URB2: variants seen among roughly 807,000 people sequenced by gnomAD.
URB2 encodes the protein unhealthy ribosome biogenesis protein 2 homolog.
URB2 carries 86 observed loss-of-function variants against 120.9 expected under a neutral mutation model. The ratio of observed to expected loss-of-function variants is 0.71; its 90% CI spans 0.60 to 0.85. The LOEUF (loss-of-function observed/expected upper bound fraction) is 0.85. URB2 is among the 40% of genes least tolerant of loss of function. URB2 has a pLI of 0.00. For synonymous variants in URB2, 755 were observed against 758.4 expected (o/e 1.00, Z 0.07); for missense variants, 1,765 against 1,836.5 (o/e 0.96, Z 0.71).
chr1:229,632,401 C>G lies in URB2; in HGVS notation c.259C>G (p.Leu87Val). The G allele has an allele frequency of 3.2e-6, 5 of 1,581,378 alleles. No individual in the cohort carries two copies. The highest frequency in any genetic ancestry group is 4.3e-6 in the Non-Finnish European group (5 of 1,168,970). The change falls in exon 3 of 10, where the codon CTC (leucine) becomes GTC (valine). Residue 87 changes from leucine (L) to valine (V), a missense_variant. By Grantham distance (32) the Leu-to-Val change is conservative. Transcript: ENST00000258243. ...ILHSRKLQNLLKNGKTINLQI... is the reference protein window; with the variant it reads ...ILHSRKLQNLVKNGKTINLQI... The stretch of plus-strand genomic sequence containing the variant: ...ACATAGCAGAAAATTGCAGAATCTC[C>G]TCAAGAATGGAAAGACCATTAATCT...
At chr1:229,642,529 G>A (rs1666034962) in intron 4 of URB2, among the ~76,000 whole-genome samples, 1 of 152,174 alleles carries the variant, frequency 6.6e-6, no homozygotes. Flanking sequence ...GCGCTGGCTG[G>A]AAAGATGACC....
intron 8 of URB2, among the ~76,000 whole-genome samples, chr1:229,652,107 G>A (rs998985330): frequency 6.6e-5 from 10 of 152,200 alleles, no homozygotes; most frequent in Middle Eastern, 3.4e-3. Context: ...GCTTGAGCCC[G>A]GGAGGCGGAG....
chr1:229,648,709 C>T (rs1419672719), intron 7 of URB2, among the ~76,000 whole-genome samples: 1 of 152,194 alleles, frequency 6.6e-6, no homozygotes, highest in Admixed American at 6.5e-5. Flanking sequence ...AGACTCAAGA[C>T]TTGTTATCTT....
At chr1:229,647,885 C>G (rs1294058373) in intron 7 of URB2, 133 bp downstream of exon 7, 2 of 1,410,840 alleles carry the variant, frequency 1.4e-6, no homozygotes. Flanking sequence ...GGCAAACTTT[C>G]TGTTCTAGTA....
intron 6 of URB2, among the ~76,000 whole-genome samples, chr1:229,646,960 T>C (rs568952449): frequency 1.3e-5 from 2 of 152,358 alleles, no homozygotes; most frequent in African/African-American, 4.8e-5. Context: ...GTCATTTTCC[T>C]GAGCATCCGT....
intron 2 of URB2, among the ~76,000 whole-genome samples, chr1:229,630,822 A>AT (rs1184761661): frequency 1.3e-5 from 2 of 151,994 alleles, no homozygotes; most frequent in Non-Finnish European, 2.9e-5. Context: ...ACCCCTAAAA[A>AT]TAAAAAAAAA....
intron 3 of URB2, among the ~76,000 whole-genome samples, chr1:229,633,695 G>A (rs1346008775): frequency 1.3e-5 from 2 of 152,202 alleles, no homozygotes; most frequent in Non-Finnish European, 2.9e-5. Flanking sequence ...AAGGCTGGGA[G>A]CAAGTAACTT....
In URB2 at chr1:229,637,963, T is replaced by A; in HGVS notation, c.3350T>A (p.Ile1117Asn). The A allele has an allele frequency of 6.2e-7, 1 of 1,613,704 alleles. No individual in the cohort carries two copies. The highest frequency in any genetic ancestry group is 8.5e-7 in the Non-Finnish European group (1 of 1,179,854). Residue 1117 changes from isoleucine (I) to asparagine (N), a missense_variant, in exon 4 of 10, where the codon ATC (isoleucine) becomes AAC (asparagine). By Grantham distance (149) the Ile-to-Asn change is moderately radical. Coordinates refer to ENST00000258243, the MANE Select transcript of URB2 (RefSeq NM_014777.4). ...GGCTGGCGCCTTCCCTCGGTCCTCA[T>A]CTCATCCGTCAGCACGCTCTTGGAA... is the stretch of plus-strand genomic sequence containing the variant. Reference protein sequence around the residue: ...ARGWRLPSVLISSVSTLLEAD... With the variant: ...ARGWRLPSVLNSSVSTLLEAD...
intron 8 of URB2, among the ~76,000 whole-genome samples, chr1:229,652,590 A>G (rs1666307176): frequency 6.6e-6 from 1 of 152,260 alleles, no homozygotes; most frequent in African/African-American, 2.4e-5. Flanking sequence ...AGAGCACGTC[A>G]GCTTCATATT....
chr1:229,647,840 T>G, intron 7 of URB2, 88 bp downstream of exon 7: 2 of 1,517,862 alleles, frequency 1.3e-6, no homozygotes, highest in South Asian at 2.6e-5. Context: ...AAAACTTTAC[T>G]GTTGCAGGAT....
chr1:229,646,505 C>A (rs905415466), intron 6 of URB2, among the ~76,000 whole-genome samples: 1 of 152,108 alleles, frequency 6.6e-6, no homozygotes, highest in Non-Finnish European at 1.5e-5. Flanking sequence ...AGAAGGAATT[C>A]TGGGGCTTTC....
rs760557526 is a variant in URB2, at chr1:229,659,169, G to A, written c.4447G>A (p.Glu1483Lys). 6.8e-6 allele frequency: 11 copies of A among 1,613,140 alleles called. No individual in the cohort carries two copies. Among genetic ancestry groups the A allele is most frequent in the African/African-American group, 5.3e-5 (4 of 74,862 alleles). The change falls in exon 10 of 10, where the codon GAG becomes AAG. Residue 1483 changes from glutamate to lysine, a missense_variant. Physicochemically the swap from Glu to Lys is moderately conservative, Grantham distance 56. Coordinates refer to ENST00000258243, the MANE Select transcript of URB2 (RefSeq NM_014777.4). ...GIYLILDLCI[E>K]PDVQFLRASL... Reference sequence around the variant, plus strand: ...TTACCTCATCCTGGACCTCTGCATCGAGCCTGACGTCCAGTTCCTGCGGGC... The same window carrying A: ...TTACCTCATCCTGGACCTCTGCATCAAGCCTGACGTCCAGTTCCTGCGGGC...
At chr1:229,644,717 C>T (rs1187036527) in intron 5 of URB2, among the ~76,000 whole-genome samples, 1 of 151,962 alleles carries the variant, frequency 6.6e-6, no homozygotes, top group Non-Finnish European at 1.5e-5. Context: ...GAGTGAAAGG[C>T]AGAAGCCAGG....
At chr1:229,656,095 C>T (rs1232749135) in intron 9 of URB2, among the ~76,000 whole-genome samples, 1 of 152,224 alleles carries the variant, frequency 6.6e-6, no homozygotes, top group African/African-American at 2.4e-5. Flanking sequence ...AACACCCCTT[C>T]ACGTTGTCCT....
chr1:229,628,770 A>G (rs558070422), intron 2 of URB2, among the ~76,000 whole-genome samples: 2 of 152,368 alleles, frequency 1.3e-5, no homozygotes, highest in East Asian at 1.9e-4. Context: ...AGTTGGCATG[A>G]TAAACACCAG....
chr1:229,647,436 T>C lies in URB2; in HGVS notation c.3907-74T>C, dbSNP rs1666170638. The stretch of plus-strand genomic sequence containing the variant: ...GCACAGACATTTCTACCTCAGTCAC[T>C]CAGAGCTGCAGTGTTTGTGTTATTT... On this transcript the variant is annotated intron_variant, in intron 6 of 9. Coordinates refer to ENST00000258243, the MANE Select transcript of URB2 (RefSeq NM_014777.4). The C allele has an allele frequency of 2.6e-6, 4 of 1,536,274 alleles. No individual in the cohort carries two copies. In the East Asian group the frequency reaches 9.1e-5, roughly 35 times the overall value.
intron 6 of URB2, 123 bp from the exon 7 acceptor site, chr1:229,647,387 C>T (rs1450595845): frequency 2.3e-5 from 28 of 1,237,074 alleles, no homozygotes; most frequent in African/African-American, 1.8e-4. Flanking sequence ...TAACGGCCCA[C>T]GGACCACATC....
At position 229,647,617 on chromosome 1, in the gene URB2, C is replaced by A; in HGVS notation, c.4014C>A (p.Gly1338=). The A allele has an allele frequency of 6.2e-7, 1 of 1,614,198 alleles. No homozygotes were observed. The highest frequency in any genetic ancestry group is 8.5e-7 in the Non-Finnish European group (1 of 1,180,042). ...ALLRQGEEAI[G]NPHHVSLAFS... is the part of the protein sequence containing the mutation. ...TGCGGCAGGGGGAGGAGGCCATCGGCAACCCCCACCACGTCAGCCTGGCCT... is the reference window on the plus strand; with the variant it reads ...TGCGGCAGGGGGAGGAGGCCATCGGAAACCCCCACCACGTCAGCCTGGCCT... Residue 1338 remains glycine, a synonymous_variant, in exon 7 of 10, where the codon GGC becomes GGA. Transcript: ENST00000258243.
chr1:229,659,290 C>T lies in URB2; in HGVS notation c.4568C>T (p.Thr1523Met), dbSNP rs139372652. 2.4e-5 allele frequency: 38 copies of T among 1,613,648 alleles called. No individual in the cohort carries two copies. Among genetic ancestry groups the T allele is most frequent in the African/African-American group, 1.7e-4 (13 of 74,894 alleles). The stretch of plus-strand genomic sequence containing the variant: ...AAACATGAAGGAGAGAAAAGATATA[C>T]GGCCTAAGGCTATGGGACAGAAGTG... ...KAKHEGEKRY[T>M]A The change falls in exon 10 of 10, where the codon ACG becomes ATG. Residue 1523 changes from threonine to methionine, a missense_variant. Physicochemically the swap from Thr to Met is moderately conservative, Grantham distance 81. Transcript: ENST00000258243.
Sources: allele counts gnomAD v4.1 joint callset (sites outside exome capture counted in the v4.1 genomes callset), GRCh38; gene constraint gnomAD v4.1.1; transcripts MANE v1.5; gene names NCBI Gene and HGNC (gene_info 2026-07-23, HGNC 2026-07-21).